The following TMEM117 variants were observed in gnomAD, a reference collection of about 807,000 sequenced individuals.
TMEM117 encodes transmembrane protein 117.
A neutral mutation model predicts 52.4 loss-of-function variants in TMEM117; 27 were observed. The observed-to-expected ratio is 0.51, with a 90% CI of 0.38 to 0.71. The LOEUF (loss-of-function observed/expected upper bound fraction) is 0.71. Ranked by LOEUF, TMEM117 falls within the 30% of genes least tolerant of loss-of-function variation. The pLI is 0.00. For missense variants in TMEM117, 556 were observed against 630.5 expected (o/e 0.88, Z 1.26); for synonymous variants, 215 against 206.3 (o/e 1.04, Z -0.36).
chr12:43,965,664 C>T (rs776634666), intron 3 of TMEM117, among the ~76,000 whole-genome samples: 5 of 152,114 alleles, frequency 3.3e-5, no homozygotes, highest in African/African-American at 4.8e-5. Flanking sequence ...TTTTTGCTTT[C>T]ATTAAATATA....
At chr12:44,202,862 C>T (rs113328477) in intron 4 of TMEM117, among the ~76,000 whole-genome samples, 11,698 of 151,718 alleles carry the variant, frequency 0.077, 1,365 homozygotes, top group African/African-American at 0.26. Flanking sequence ...CACCTCTGCT[C>T]ACTGCAGCCT....
chr12:43,899,695 T>C (rs946799559), intron 2 of TMEM117, among the ~76,000 whole-genome samples: 3 of 152,190 alleles, frequency 2.0e-5, no homozygotes, highest in African/African-American at 7.2e-5. Flanking sequence ...TAAAAAAGAC[T>C]ACTATTTATT....
At chr12:44,244,721 A>G (rs1472184427) in intron 5 of TMEM117, among the ~76,000 whole-genome samples, 2 of 151,694 alleles carry the variant, frequency 1.3e-5, no homozygotes, top group South Asian at 4.1e-4. Context: ...TCATTTGTCT[A>G]TTTTGTCTTT....
intron 4 of TMEM117, among the ~76,000 whole-genome samples, chr12:44,156,007 G>A (rs894157861): frequency 2.6e-5 from 4 of 152,040 alleles, no homozygotes; most frequent in African/African-American, 9.7e-5. Flanking sequence ...ATTCAGGGGG[G>A]ACAAGGACTG....
intron 5 of TMEM117, among the ~76,000 whole-genome samples, chr12:44,269,363 T>A (rs1950419205): frequency 6.6e-6 from 1 of 152,124 alleles, no homozygotes; most frequent in African/African-American, 2.4e-5. Flanking sequence ...TATTCTATTA[T>A]GCTAATTTTA....
At chr12:44,119,988 G>A (rs1379359494) in intron 3 of TMEM117, among the ~76,000 whole-genome samples, 1 of 152,014 alleles carries the variant, frequency 6.6e-6, no homozygotes, top group Non-Finnish European at 1.5e-5. Flanking sequence ...ATCCAGATAG[G>A]CTTTTAAAAG....
rs77832566 is a variant in TMEM117 at position 44,076,030 on chromosome 12, A to G, written c.411-67495A>G. ...GGTTTTTGAGGACTTCGGAGAGCCA[A>G]TCAGCTGATGCAATCACTGCCGTTA... On this transcript the variant is annotated intron_variant, in intron 3 of 7. Transcript: ENST00000266534. Among the ~76,000 whole-genome samples, 253 of 152,308 alleles carry G rather than the reference A, an allele frequency of 1.7e-3. 3 individuals carry two copies. In the East Asian group the frequency reaches 0.034, roughly 21 times the overall value.
chr12:44,104,805 A>G (rs1022222881), intron 3 of TMEM117, among the ~76,000 whole-genome samples: 8 of 151,966 alleles, frequency 5.3e-5, no homozygotes, highest in African/African-American at 1.4e-4. Flanking sequence ...TCACTCCACT[A>G]TCTTCTTGCT....
intron 3 of TMEM117, among the ~76,000 whole-genome samples, chr12:44,077,518 C>T (rs956300324): frequency 3.0e-4 from 46 of 152,200 alleles, no homozygotes; most frequent in Non-Finnish European, 1.5e-4. Flanking sequence ...AGCCCTTTAA[C>T]GTGGCCAAAC....
chr12:44,099,755 G>C (rs1305861202), intron 3 of TMEM117, among the ~76,000 whole-genome samples: 1 of 151,924 alleles, frequency 6.6e-6, no homozygotes, highest in Non-Finnish European at 1.5e-5. Context: ...GCATGAGAAA[G>C]AAACAGAATA....
At chr12:44,151,973 ATATATT>A (rs1389205094) in intron 4 of TMEM117, among the ~76,000 whole-genome samples, 22 of 119,544 alleles carry the variant, frequency 1.8e-4, no homozygotes, top group African/African-American at 2.9e-4. Flanking sequence ...AAATATAAGT[ATATATT>A]TATATATAAA....
intron 3 of TMEM117, among the ~76,000 whole-genome samples, chr12:44,104,913 A>C (rs188056653): frequency 6.6e-6 from 1 of 152,040 alleles, no homozygotes; most frequent in Non-Finnish European, 1.5e-5. Context: ...TTTTTAAAAA[A>C]TATATTTTCT....
At chr12:44,227,441 G>A (rs1251478440) in intron 5 of TMEM117, among the ~76,000 whole-genome samples, 1 of 152,030 alleles carries the variant, frequency 6.6e-6, no homozygotes, top group Non-Finnish European at 1.5e-5. Context: ...GTGACAGAGA[G>A]ACCCTGTCTC....
intron 5 of TMEM117, among the ~76,000 whole-genome samples, chr12:44,214,695 G>A (rs984013733): frequency 2.6e-5 from 4 of 152,108 alleles, no homozygotes; most frequent in Admixed American, 2.0e-4. Context: ...TATTTCAAAA[G>A]TAGTATTTCA....
chr12:44,081,319 A>G (rs559478479), intron 3 of TMEM117, among the ~76,000 whole-genome samples: 4 of 152,196 alleles, frequency 2.6e-5, no homozygotes, highest in Non-Finnish European at 5.9e-5. Flanking sequence ...TTTGAAAATG[A>G]TACAGTTGTG....
chr12:44,119,844 A>T (rs1243966563), intron 3 of TMEM117, among the ~76,000 whole-genome samples: 1 of 152,192 alleles, frequency 6.6e-6, no homozygotes, highest in Non-Finnish European at 1.5e-5. Flanking sequence ...GGTGAATCTA[A>T]TGTGTAACCA....
chr12:44,103,737 G>A (rs1346850593), intron 3 of TMEM117, among the ~76,000 whole-genome samples: 1 of 151,974 alleles, frequency 6.6e-6, no homozygotes, highest in Non-Finnish European at 1.5e-5. Flanking sequence ...TGTTAAACTT[G>A]TATTATTTGT....
intron 4 of TMEM117, among the ~76,000 whole-genome samples, chr12:44,180,785 C>T (rs1949185760): frequency 6.6e-6 from 1 of 152,050 alleles, no homozygotes; most frequent in Non-Finnish European, 1.5e-5. Context: ...CAAGTCTTTG[C>T]TATCGTGAAT....
At chr12:44,309,928 C>T (rs1335143389) in intron 6 of TMEM117, among the ~76,000 whole-genome samples, 4 of 152,042 alleles carry the variant, frequency 2.6e-5, no homozygotes, top group Admixed American at 1.3e-4. Context: ...TAGTGAATGA[C>T]GGGAACACTC....
Sources: gnomAD v4.1 joint callset for allele counts (sites outside exome capture counted in the v4.1 genomes callset) on GRCh38, gnomAD v4.1.1 for gene constraint, MANE v1.5 for transcripts, NCBI Gene and HGNC (gene_info 2026-07-23, HGNC 2026-07-21) for gene names.